The following FDFT1 variants were observed in gnomAD, a reference collection of about 807,000 sequenced individuals.
The protein encoded by FDFT1 is squalene synthase.
FDFT1 carries 68 observed loss-of-function variants against 46.8 expected under a neutral mutation model. The observed-to-expected ratio is 1.45, with a 90% CI of 1.19 to 1.78. FDFT1 has a LOEUF of 1.78. FDFT1 is among the 40% of genes most tolerant of loss of function. FDFT1 has a pLI of 0.00. For missense variants in FDFT1, 928 were observed against 524.4 expected (o/e 1.77, Z -7.52); for synonymous variants, 351 against 185.1 (o/e 1.90, Z -7.28).
chr8:11,824,006 A>C (rs756723153), intron 4 of FDFT1, among the ~76,000 whole-genome samples: 2 of 151,986 alleles, frequency 1.3e-5, no homozygotes, highest in Non-Finnish European at 2.9e-5. Context: ...TTAGCCTCCC[A>C]GGTGTGAGCC....
chr8:11,802,479 C>G (rs531522069), upstream of FDFT1: 3 of 478,482 alleles, frequency 6.3e-6, no homozygotes, highest in Admixed American at 2.3e-5. Context: ...AACAAAGGCC[C>G]GGCTCCATCA....
intron 4 of FDFT1, among the ~76,000 whole-genome samples, chr8:11,825,097 A>G (rs562091089): frequency 1.3e-5 from 2 of 152,318 alleles, no homozygotes; most frequent in East Asian, 3.9e-4. Flanking sequence ...CTTTCATATA[A>G]TGATGATTTT....
intron 7 of FDFT1, among the ~76,000 whole-genome samples, chr8:11,837,976 C>T (rs1049061566): frequency 1.3e-5 from 2 of 152,134 alleles, no homozygotes. Flanking sequence ...ACTGCGTGTT[C>T]CATCTTGTTT....
chr8:11,824,649 G>A (rs1809715614), intron 4 of FDFT1, among the ~76,000 whole-genome samples: 1 of 151,860 alleles, frequency 6.6e-6, no homozygotes, highest in South Asian at 2.1e-4. Context: ...ACTTCTTTGT[G>A]CCTCAGTTTC....
intron 5 of FDFT1, 81 bp downstream of exon 5, chr8:11,826,296 A>G: frequency 8.8e-7 from 1 of 1,132,964 alleles, no homozygotes; most frequent in Non-Finnish European, 1.2e-6. Context: ...GTTGCGGGTG[A>G]CAGAAAAACA....
At chr8:11,827,438 A>C (rs942885128) in intron 5 of FDFT1, among the ~76,000 whole-genome samples, 5 of 151,404 alleles carry the variant, frequency 3.3e-5, no homozygotes, top group African/African-American at 1.2e-4. Context: ...GGATCCCTTG[A>C]GCGCAGGAGC....
At chr8:11,832,576 A>AAAAAAAAAAAAAT (rs139242873) in intron 7 of FDFT1, among the ~76,000 whole-genome samples, 8 of 134,892 alleles carry the variant, frequency 5.9e-5, no homozygotes, top group Non-Finnish European at 7.8e-5. Flanking sequence ...AAAAAAAAAA[A>AAAAAAAAAAAAAT]GTCTTAGAGA....
chr8:11,809,477 T>A, intron 2 of FDFT1, 190 bp from the exon 3 acceptor site: 3 of 1,321,436 alleles, frequency 2.3e-6, no homozygotes, highest in Non-Finnish European at 2.9e-6. Context: ...ACTACAGAAG[T>A]TCATTACTCT....
intron 3 of FDFT1, among the ~76,000 whole-genome samples, chr8:11,813,861 A>G (rs567983610): frequency 1.3e-5 from 2 of 152,282 alleles, no homozygotes; most frequent in South Asian, 4.1e-4. Context: ...TATCCGGGGA[A>G]CATATGAAAC....
At position 11,838,621 on chromosome 8, in the gene FDFT1, T is replaced by C. The variant is rs750654067; in HGVS notation, c.*12T>C. ...CTGGAGAACACTGATCCCAAATTTG[T>C]CCATAGCTGAAGTCCACCATAAAGT... On this transcript the variant is annotated 3_prime_UTR_variant, in exon 8 of 8. Transcript: ENST00000220584. The C allele has an allele frequency of 1.3e-6, 2 of 1,582,400 alleles. No homozygotes were observed. Among genetic ancestry groups the C allele is most frequent in the African/African-American group, 1.3e-5 (1 of 74,194 alleles).
rs113051015 is a variant in FDFT1 at position 11,796,405 on chromosome 8, T to G, written c.-94+394T>G. 8.0e-3 allele frequency among the ~76,000 whole-genome samples: 1,223 copies of G among 152,238 alleles called. 20 individuals carry two copies. The highest frequency in any genetic ancestry group is 0.028 in the African/African-American group (1,159 of 41,530). On this transcript the variant is annotated intron_variant, in intron 1 of 7. Coordinates refer to the FDFT1 transcript ENST00000538689. ...CAAGAGATTATTAGAATACAGAAAG[T>G]TCAGGTTGGGAGGAACCACTGAACA...
chr8:11,820,242 T>C (rs1809033884), intron 3 of FDFT1, among the ~76,000 whole-genome samples: 1 of 152,088 alleles, frequency 6.6e-6, no homozygotes, highest in South Asian at 2.1e-4. Flanking sequence ...CACCCACCTA[T>C]ATGAGGTGTC....
intron 1 of FDFT1, among the ~76,000 whole-genome samples, chr8:11,805,846 C>A (rs992389766): frequency 6.6e-6 from 1 of 152,128 alleles, no homozygotes; most frequent in South Asian, 2.1e-4. Context: ...AAATTCTGCC[C>A]CAGGTCTTGC....
rs769678905 is a variant in FDFT1 at position 11,838,474 on chromosome 8, C to G, written c.1119C>G (p.Asn373Lys). 8 of 1,606,264 alleles carry G rather than the reference C, an allele frequency of 5.0e-6. No individual in the cohort carries two copies. Among genetic ancestry groups the G allele is most frequent in the Non-Finnish European group, 6.0e-6 (7 of 1,175,502 alleles). ...ISTIRTQNLP[N>K]CQLISRSHYS... is the part of the protein sequence containing the mutation. ...CCATCCGGACGCAGAATCTTCCCAA[C>G]TGTCAGCTGATTTCCCGAAGCCACT... Residue 373 changes from asparagine to lysine, a missense_variant, in exon 8 of 8, where the codon AAC (asparagine) becomes AAG (lysine). Physicochemically the swap from Asn to Lys is moderately conservative, Grantham distance 94. Coordinates refer to ENST00000220584, the MANE Select transcript of FDFT1 (RefSeq NM_004462.5).
chr8:11,817,940 T>G (rs532619610), intron 3 of FDFT1, among the ~76,000 whole-genome samples: 1 of 152,334 alleles, frequency 6.6e-6, no homozygotes, highest in Non-Finnish European at 1.5e-5. Flanking sequence ...CTAGTTCTTT[T>G]AATTGTGATG....
chr8:11,818,144 G>T (rs1327365643), intron 3 of FDFT1, among the ~76,000 whole-genome samples: 1 of 152,204 alleles, frequency 6.6e-6, no homozygotes, highest in African/African-American at 2.4e-5. Flanking sequence ...GGAGCAGGTT[G>T]TTCAGTTTCC....
At chr8:11,806,175 C>G (rs1439471027) in intron 1 of FDFT1, among the ~76,000 whole-genome samples, 1 of 152,104 alleles carries the variant, frequency 6.6e-6, no homozygotes, top group Non-Finnish European at 1.5e-5. Flanking sequence ...CCTGACCACC[C>G]CCACACCCTT....
intron 4 of FDFT1, among the ~76,000 whole-genome samples, chr8:11,824,391 CTCTAAAAGAAAA>C (rs1430206706): frequency 6.6e-6 from 1 of 152,142 alleles, no homozygotes; most frequent in Non-Finnish European, 1.5e-5. Context: ...GTTACGTTGT[CTCTAAAAGAAAA>C]ACTAAAAAGA....
At position 11,838,723 on chromosome 8, in the gene FDFT1, C is replaced by G; in HGVS notation, c.*114C>G. 3 of 838,714 alleles carry G rather than the reference C, an allele frequency of 3.6e-6. No individual in the cohort carries two copies. The highest frequency in any genetic ancestry group is 3.0e-4 in the Middle Eastern group (1 of 3,366). 52.0% of individuals were successfully genotyped at this position (838,714 alleles called of 1,614,324 possible). ...CCTACTACTTTAATCCCTAAAAGAA[C>G]GCTGTGTGGCTGGGACCTTTAGGAA... On this transcript the variant is annotated 3_prime_UTR_variant, in exon 8 of 8. Coordinates refer to ENST00000220584, the MANE Select transcript of FDFT1 (RefSeq NM_004462.5).
Sources: allele counts gnomAD v4.1 joint callset (sites outside exome capture counted in the v4.1 genomes callset), GRCh38; gene constraint gnomAD v4.1.1; transcripts MANE v1.5; gene names NCBI Gene and HGNC (gene_info 2026-07-23, HGNC 2026-07-21).